Variants in SGCZ observed in about 807,000 individuals in gnomAD.
The protein encoded by SGCZ is sarcoglycan zeta.
In SGCZ, 40 loss-of-function variants were observed where a neutral mutation model predicts 41.3. That is an observed-to-expected ratio of 0.97 (90% CI 0.75 to 1.26). The LOEUF is 1.26. Ranked by LOEUF, SGCZ falls within the 50% of genes most tolerant of loss-of-function variation. The pLI, the probability that SGCZ is intolerant of heterozygous loss-of-function variation, is 0.00. For missense variants in SGCZ, 552 were observed against 369.8 expected, an observed-to-expected ratio of 1.49 and a Z score of -4.04; for synonymous variants, 206 against 137.5, an observed-to-expected ratio of 1.50 and a Z score of -3.49.
At chr8:14,558,548 C>T (rs976951460) in intron 1 of SGCZ, among the ~76,000 whole-genome samples, 1 of 131,434 alleles carries the variant, frequency 7.6e-6, no homozygotes, top group African/African-American at 2.9e-5. Context: ...GCACTTCAGC[C>T]TGGGTGACAG....
At chr8:14,779,187 T>C (rs930708139) in intron 1 of SGCZ, among the ~76,000 whole-genome samples, 11 of 152,220 alleles carry the variant, frequency 7.2e-5, no homozygotes, top group African/African-American at 2.7e-4. Flanking sequence ...GTCACCTATA[T>C]AACCAATAGA....
At chr8:14,276,165 G>A (rs919892691) in intron 3 of SGCZ, among the ~76,000 whole-genome samples, 2 of 152,046 alleles carry the variant, frequency 1.3e-5, no homozygotes, top group African/African-American at 4.8e-5. Flanking sequence ...AGTCTGGGTG[G>A]GCATTGAAAG....
intron 3 of SGCZ, among the ~76,000 whole-genome samples, chr8:14,248,151 T>C (rs1350212092): frequency 6.6e-6 from 1 of 152,178 alleles, no homozygotes; most frequent in Non-Finnish European, 1.5e-5. Context: ...TCCCCAGTGG[T>C]GAGCTGGTAG....
intron 1 of SGCZ, among the ~76,000 whole-genome samples, chr8:14,916,252 G>A (rs1038543359): frequency 6.6e-5 from 10 of 152,130 alleles, no homozygotes; most frequent in Non-Finnish European, 1.3e-4. Context: ...ATTATATAAT[G>A]TAAGTGTAAC....
intron 2 of SGCZ, among the ~76,000 whole-genome samples, chr8:14,527,582 G>A (rs145749253): frequency 0.017 from 2,602 of 152,004 alleles, 30 homozygotes; most frequent in Middle Eastern, 0.024. Flanking sequence ...AAAATGCCAC[G>A]CCATGATGTC....
intron 1 of SGCZ, among the ~76,000 whole-genome samples, chr8:15,141,910 CA>C (rs1171474541): frequency 7.4e-6 from 1 of 134,968 alleles, no homozygotes; most frequent in Admixed American, 7.4e-5. Flanking sequence ...AAAAAAAAAA[CA>C]AAAAAAATGA....
At chr8:14,907,228 T>C (rs1321656993) in intron 1 of SGCZ, among the ~76,000 whole-genome samples, 1 of 152,130 alleles carries the variant, frequency 6.6e-6, no homozygotes, top group Non-Finnish European at 1.5e-5. Context: ...AGAGTCTTGC[T>C]CTGTCACTCA....
rs1347486611 is a variant in SGCZ, at chr8:15,103,981, G to C, written c.39+133604C>G. Among the ~76,000 whole-genome samples the C allele has an allele frequency of 2.0e-5, 3 of 152,116 alleles. No individual in the cohort carries two copies. The East Asian group carries it at 5.8e-4, about 29-fold the overall frequency. ...AACAGAAATCCCCTTTTAAGTGACC[G>C]TACGCTGGATAAGGGATAACAGACA... On this transcript the variant is annotated intron_variant, in intron 1 of 7. Coordinates refer to ENST00000382080, the MANE Select transcript of SGCZ (RefSeq NM_139167.4).
intron 1 of SGCZ, among the ~76,000 whole-genome samples, chr8:14,610,645 C>T (rs1452951335): frequency 6.6e-6 from 1 of 151,968 alleles, no homozygotes; most frequent in Non-Finnish European, 1.5e-5. Context: ...ATTTTGCTTC[C>T]CCTACAGGGT....
At chr8:14,496,439 T>C (rs79853537) in intron 2 of SGCZ, among the ~76,000 whole-genome samples, 3,287 of 152,176 alleles carry the variant, frequency 0.022, 127 homozygotes, top group African/African-American at 0.075. Context: ...GTAAGTAGTA[T>C]CTTGAGTATT....
intron 1 of SGCZ, among the ~76,000 whole-genome samples, chr8:14,732,212 T>G (rs2130243271): frequency 6.6e-6 from 1 of 152,256 alleles, no homozygotes; most frequent in Middle Eastern, 3.4e-3. Flanking sequence ...ACATTCCTTA[T>G]AACTCTCTTC....
chr8:14,521,139 A>G (rs1802777044), intron 2 of SGCZ, among the ~76,000 whole-genome samples: 1 of 152,156 alleles, frequency 6.6e-6, no homozygotes, highest in African/African-American at 2.4e-5. Context: ...TGAATAGTAA[A>G]GAGGTAGAAT....
chr8:14,864,439 G>C (rs2130687404), intron 1 of SGCZ, among the ~76,000 whole-genome samples: 1 of 152,146 alleles, frequency 6.6e-6, no homozygotes, highest in Non-Finnish European at 1.5e-5. Context: ...TACGATGAAA[G>C]GCTTACTCAA....
chr8:14,592,824 T>A (rs757156102), intron 1 of SGCZ, among the ~76,000 whole-genome samples: 1 of 152,144 alleles, frequency 6.6e-6, no homozygotes, highest in Non-Finnish European at 1.5e-5. Flanking sequence ...CTCTTAGCAG[T>A]GTTCAGAGTT....
chr8:14,258,634 G>A (rs1332656610), intron 3 of SGCZ, among the ~76,000 whole-genome samples: 4 of 152,112 alleles, frequency 2.6e-5, no homozygotes, highest in African/African-American at 9.7e-5. Context: ...GAGCTCTTAT[G>A]AAGTATATTC....
chr8:15,151,835 T>C (rs191688977), intron 1 of SGCZ, among the ~76,000 whole-genome samples: 239 of 152,340 alleles, frequency 1.6e-3, no homozygotes, highest in African/African-American at 5.0e-3. Flanking sequence ...AACTCTGTAA[T>C]GATCCATCAA....
At chr8:14,974,219 T>C (rs1389263775) in intron 1 of SGCZ, among the ~76,000 whole-genome samples, 1 of 152,212 alleles carries the variant, frequency 6.6e-6, no homozygotes, top group Non-Finnish European at 1.5e-5. Flanking sequence ...ACATATTTTA[T>C]GGTACTTTAA....
chr8:14,395,792 G>T (rs995178043), intron 2 of SGCZ, among the ~76,000 whole-genome samples: 1 of 152,184 alleles, frequency 6.6e-6, no homozygotes, highest in African/African-American at 2.4e-5. Context: ...AAATCGATCT[G>T]CAGGGGCAAC....
rs368352784 is a variant in SGCZ at position 14,940,672 on chromosome 8, A to G, written c.39+296913T>C. Among the ~76,000 whole-genome samples the G allele has an allele frequency of 1.8e-4, 22 of 119,532 alleles. No homozygotes were observed. In the South Asian group the frequency reaches 7.2e-3, roughly 39 times the overall value. 78.4% of individuals were successfully genotyped at this position (119,532 alleles called of 152,430 possible). ...CCAGGAGATCTTTTTAGCAATACAT[A>G]AAACCTGGGCACCAAAAAGGTAAAG... On this transcript the variant is annotated intron_variant, in intron 1 of 7. Transcript: ENST00000382080.
Sources: allele counts gnomAD v4.1 joint callset (sites outside exome capture counted in the v4.1 genomes callset), GRCh38; gene constraint gnomAD v4.1.1; transcripts MANE v1.5; gene names NCBI Gene and HGNC (gene_info 2026-07-23, HGNC 2026-07-21).